ULK1: variants seen among roughly 807,000 people sequenced by gnomAD.
ULK1 encodes unc-51 like autophagy activating kinase 1.
A neutral mutation model predicts 117.5 loss-of-function variants in ULK1; 48 were observed. That is an observed-to-expected ratio of 0.41 (90% CI 0.32 to 0.52). ULK1 has a LOEUF of 0.52. Ranked by LOEUF, ULK1 falls within the 20% of genes least tolerant of loss-of-function variation. The pLI, the probability that ULK1 is intolerant of heterozygous loss-of-function variation, is 0.29. For missense variants in ULK1, 1,387 were observed against 1,473.4 expected, an observed-to-expected ratio of 0.94 and a Z score of 0.96; for synonymous variants, 790 against 637.8, an observed-to-expected ratio of 1.24 and a Z score of -3.60.
intron 20 of ULK1, among the ~76,000 whole-genome samples, 160 bp from the exon 21 acceptor site, chr12:131,916,793 C>T (rs116159234): frequency 0.075 from 11,399 of 152,120 alleles, 508 homozygotes; most frequent in African/African-American, 0.12. Flanking sequence ...TCCTGAGCCT[C>T]GCCATGCCCG....
chr12:131,917,528 A>C lies in ULK1; in HGVS notation c.2300A>C (p.Gln767Pro). Residue 767 changes from glutamine to proline, a missense_variant, in exon 22 of 28, where the codon CAG becomes CCG. This residue lies in a region of ULK1 where 900 missense variants were observed against 858.9 expected (regional missense o/e 1.05). Transcript: ENST00000321867. ...GSPPSGSTPP[Q>P]GPRTRMFSAG... Reference sequence around the variant, plus strand: ...CCCCCGAGCGGGAGCACGCCCCCCCAGGGCCCCCGCACCAGGATGTTCTCA... The same window carrying C: ...CCCCCGAGCGGGAGCACGCCCCCCCCGGGCCCCCGCACCAGGATGTTCTCA... 6.9e-7 allele frequency: 1 copy of C among 1,448,306 alleles called. No homozygotes were observed. The highest frequency in any genetic ancestry group is 9.1e-7 in the Non-Finnish European group (1 of 1,096,566). The allele number at this position is 1,448,306 out of a possible 1,614,324, so 89.7% of individuals were successfully genotyped here.
intron 3 of ULK1, among the ~76,000 whole-genome samples, chr12:131,905,331 C>G (rs1482728633): frequency 2.6e-5 from 4 of 152,120 alleles, no homozygotes; most frequent in East Asian, 1.9e-4. Context: ...GCTGTCCCCC[C>G]CACCAGGGGT....
Position 131,903,898 on chromosome 12 carries a change from A to G in ULK1, c.247-2994A>G, listed in dbSNP as rs1741443743. Among the ~76,000 whole-genome samples the G allele has an allele frequency of 6.6e-6, 1 of 152,002 alleles. No homozygotes were observed. Among genetic ancestry groups the G allele is most frequent in the South Asian group, 2.1e-4 (1 of 4,812 alleles). On this transcript the variant is annotated intron_variant, in intron 3 of 27. Coordinates refer to ENST00000321867, the MANE Select transcript of ULK1 (RefSeq NM_003565.4). This position sits in a 1 kb window ranked among gnomAD's most constrained non-coding sequence, Gnocchi z 6.0. The stretch of plus-strand genomic sequence containing the variant: ...CAGTGGGGAGGGCAGAGGGGTCTCT[A>G]GGAAGGTGACCTAGGGGGTGACATC...
At chr12:131,918,417 G>A in intron 22 of ULK1, 80 bp from the exon 23 acceptor site, 2 of 1,488,076 alleles carry the variant, frequency 1.3e-6, no homozygotes, top group Non-Finnish European at 9.0e-7. Flanking sequence ...GGCCCTGGAG[G>A]TGTGGGAGTC....
At position 131,908,892 on chromosome 12, in the gene ULK1, C is replaced by T. The variant is rs1347453386; in HGVS notation, c.491-6C>T. The stretch of plus-strand genomic sequence containing the variant: ...CGGCGCCGGTCCTGACGCTTCTCTC[C>T]CGCAGCTGACTTCGGCTTCGCGCGG... On this transcript the variant is annotated splice_region_variant and splice_polypyrimidine_tract_variant and intron_variant, in intron 6 of 27. Transcript: ENST00000321867. The T allele has an allele frequency of 6.2e-7, 1 of 1,610,368 alleles. No homozygotes were observed. The highest frequency in any genetic ancestry group is 8.5e-7 in the Non-Finnish European group (1 of 1,179,696).
chr12:131,915,745 A>G, intron 18 of ULK1, 146 bp from the exon 19 acceptor site: 1 of 1,162,644 alleles, frequency 8.6e-7, no homozygotes, highest in Non-Finnish European at 1.2e-6. Context: ...CTCCAGCCTG[A>G]ATGACAGGGC....
At position 131,922,165 on chromosome 12, in the gene ULK1, C is replaced by T. The variant is rs1890179086; in HGVS notation, c.*804C>T. ...TCCTAAAACGTGTCTTATTTTTATG[C>T]AGCTCATTTTTTCTTTAAAGGAGAA... On this transcript the variant is annotated 3_prime_UTR_variant, in exon 28 of 28. Transcript: ENST00000321867. 2.7e-6 allele frequency: 1 copy of T among 369,678 alleles called. No homozygotes were observed. The highest frequency in any genetic ancestry group is 5.4e-6 in the Non-Finnish European group (1 of 185,080). The allele number at this position is 369,678 out of a possible 1,614,324, so 22.9% of individuals were successfully genotyped here. A position where few individuals can be genotyped will look rare whatever the true frequency, so the allele number is the denominator to read the frequency against.
intron 13 of ULK1, among the ~76,000 whole-genome samples, chr12:131,912,755 C>T (rs748328542): frequency 8.5e-5 from 13 of 152,206 alleles, no homozygotes; most frequent in Non-Finnish European, 1.3e-4. Context: ...GGTCCTTTGC[C>T]AGCTGTCAGG....
In ULK1 at chr12:131,916,087, G is replaced by T; in HGVS notation, c.1806G>T (p.Leu602=). The part of the protein sequence containing the change: ...PSHGLQSCRN[L]RGSPKLPDFL... ...ACGGCCTGCAGTCCTGCCGGAACCT[G>T]CGGGGCTCACCCAAGCTGCCCGACT... Residue 602 remains leucine, a synonymous_variant, in exon 19 of 28, where the codon CTG becomes CTT. Coordinates refer to ENST00000321867, the MANE Select transcript of ULK1 (RefSeq NM_003565.4). 1 of 1,612,448 alleles carries T rather than the reference G, an allele frequency of 6.2e-7. No homozygotes were observed. Among genetic ancestry groups the T allele is most frequent in the Non-Finnish European group, 8.5e-7 (1 of 1,179,874 alleles).
rs775303526 is a variant in ULK1, at chr12:131,915,888, T to C, written c.1610-3T>C. ...GGTCGTGACGAGGCGTGTCTCTCTC[T>C]AGGCTCCTCTGCACCCGAGCACTCT... is the stretch of plus-strand genomic sequence containing the variant. On this transcript the variant is annotated splice_region_variant and splice_polypyrimidine_tract_variant and intron_variant, in intron 18 of 27. Coordinates refer to ENST00000321867, the MANE Select transcript of ULK1 (RefSeq NM_003565.4). 1.2e-6 allele frequency: 2 copies of C among 1,609,728 alleles called. No homozygotes were observed. Among genetic ancestry groups the C allele is most frequent in the Non-Finnish European group, 8.5e-7 (1 of 1,179,754 alleles).
intron 26 of ULK1, 175 bp downstream of exon 26, chr12:131,920,311 C>T (rs891262587): frequency 1.4e-5 from 11 of 798,776 alleles, no homozygotes; most frequent in African/African-American, 7.0e-5. Flanking sequence ...GCTCGCAGCT[C>T]GGCTGGGTGC....
At position 131,910,818 on chromosome 12, in the gene ULK1, G is replaced by A; in HGVS notation, c.948+18G>A. 6.2e-7 allele frequency: 1 copy of A among 1,611,714 alleles called. No homozygotes were observed. The highest frequency in any genetic ancestry group is 8.5e-7 in the Non-Finnish European group (1 of 1,179,464). ...CCCCGCCGGTGAGTTGCCGCCCCAG[G>A]GGCTTGGCAGCTTCTCCCTCCACTC... is the stretch of plus-strand genomic sequence containing the variant. On this transcript the variant is annotated intron_variant, in intron 12 of 27. Transcript: ENST00000321867.
In ULK1 at chr12:131,921,621, C is replaced by T; in HGVS notation, c.*260C>T. ...AATTTCTGCCCCTCCAGCTGCCTGG[C>T]TCAGCAGGCGTGGGTGCCACCACCC... On this transcript the variant is annotated 3_prime_UTR_variant, in exon 28 of 28. Coordinates refer to ENST00000321867, the MANE Select transcript of ULK1 (RefSeq NM_003565.4). 1.6e-6 allele frequency: 1 copy of T among 627,998 alleles called. No homozygotes were observed. 38.9% of individuals were successfully genotyped at this position (627,998 alleles called of 1,614,324 possible). A position where few individuals can be genotyped will look rare whatever the true frequency, so the allele number is the denominator to read the frequency against.
rs762958408 is a variant in ULK1 at position 131,915,443 on chromosome 12, GA to G, written c.1609+23del. 57 of 1,610,114 alleles carry G rather than the reference GA, an allele frequency of 3.5e-5. No individual in the cohort carries two copies. The South Asian group carries it at 6.2e-4, about 17-fold the overall frequency. ...CCAGGTGGGTGCAGTCCGGAGGGGG[GA>G]GGGGGTGCTAGGCTGACCTCCCTCG... On this transcript the variant is annotated intron_variant, in intron 18 of 27. Coordinates refer to ENST00000321867, the MANE Select transcript of ULK1 (RefSeq NM_003565.4).
intron 8 of ULK1, 36 bp from the exon 9 acceptor site, chr12:131,909,739 G>A (rs1284312299): frequency 3.9e-6 from 6 of 1,557,562 alleles, no homozygotes; most frequent in South Asian, 2.3e-5. Context: ...CCGCTCGGCC[G>A]CAGCCCTGGC....
chr12:131,918,489 C>T lies in ULK1; in HGVS notation c.2327-8C>T. ...CCTGGTGTGCCCCTCATCGCCCTCT[C>T]CCTGCAGCGGGCCCCACTGGCTCTG... is the stretch of plus-strand genomic sequence containing the variant. On this transcript the variant is annotated splice_region_variant and splice_polypyrimidine_tract_variant and intron_variant, in intron 22 of 27. Coordinates refer to ENST00000321867, the MANE Select transcript of ULK1 (RefSeq NM_003565.4). The T allele has an allele frequency of 6.2e-7, 1 of 1,607,952 alleles. No homozygotes were observed. Among genetic ancestry groups the T allele is most frequent in the South Asian group, 1.1e-5 (1 of 90,174 alleles).
At chr12:131,907,751 C>T (rs1211939210) in intron 5 of ULK1, among the ~76,000 whole-genome samples, 1 of 152,170 alleles carries the variant, frequency 6.6e-6, no homozygotes, top group Non-Finnish European at 1.5e-5. Context: ...CTCCCCCTTG[C>T]TTGAGGAGAC....
In ULK1 at chr12:131,921,898, G is replaced by A; in HGVS notation, c.*537G>A. 1 of 457,536 alleles carries A rather than the reference G, an allele frequency of 2.2e-6. No homozygotes were observed. The highest frequency in any genetic ancestry group is 1.5e-5 in the South Asian group (1 of 64,578). The allele number at this position is 457,536 out of a possible 1,614,324, so 28.3% of individuals were successfully genotyped here. A position where few individuals can be genotyped will look rare whatever the true frequency, so the allele number is the denominator to read the frequency against. On this transcript the variant is annotated 3_prime_UTR_variant, in exon 28 of 28. Coordinates refer to ENST00000321867, the MANE Select transcript of ULK1 (RefSeq NM_003565.4). ...CAGGGACTGCTGGGCAGCGATTCCT[G>A]GCAGTGGCCTGGTGTTTGTACATAC... is the stretch of plus-strand genomic sequence containing the variant.
Position 131,909,203 on chromosome 12 carries a change from T to A in ULK1, c.632T>A (p.Val211Asp). Residue 211 changes from valine (V) to aspartate (D), a missense_variant, in exon 8 of 28, where the codon GTC becomes GAC. By Grantham distance (152) the Val-to-Asp change is radical. Around this residue, in one of 4 missense-constraint regions of ULK1, gnomAD observed 224 missense variants for 325.2 expected, o/e 0.69. Coordinates refer to ENST00000321867, the MANE Select transcript of ULK1 (RefSeq NM_003565.4). ...KADLWSIGTI[V>D]YQCLTGKAPF... is the part of the protein sequence containing the mutation. ...GACCTGTGGAGCATCGGCACCATCG[T>A]CTACCAGTGCCTGACGGGGAAGGCG... The A allele has an allele frequency of 6.2e-7, 1 of 1,609,378 alleles. No homozygotes were observed. Among genetic ancestry groups the A allele is most frequent in the Non-Finnish European group, 8.5e-7 (1 of 1,178,330 alleles).
Sources: allele counts gnomAD v4.1 joint callset (sites outside exome capture counted in the v4.1 genomes callset), GRCh38; gene constraint gnomAD v4.1.1; regional missense constraint gnomAD v4.1.1; non-coding constraint Gnocchi (gnomAD v3.1); transcripts MANE v1.5; gene names NCBI Gene and HGNC (gene_info 2026-07-23, HGNC 2026-07-21).